Variants in FAM120B observed in about 807,000 individuals in gnomAD.
FAM120B encodes the protein family with sequence similarity 120 member B.
FAM120B carries 83 observed loss-of-function variants against 96.3 expected under a neutral mutation model. The observed-to-expected ratio is 0.86, with a 90% confidence interval of 0.72 to 1.03. FAM120B has a LOEUF of 1.03. Among genes scored for constraint, FAM120B ranks in the 50% least tolerant of loss-of-function variants. The pLI, the probability that FAM120B is intolerant of heterozygous loss-of-function variation, is 0.00. For missense variants in FAM120B, 1,027 were observed against 1,121.2 expected, an observed-to-expected ratio of 0.92 and a Z score of 1.20; for synonymous variants, 407 against 402.7, an observed-to-expected ratio of 1.01 and a Z score of -0.13.
chr6:170,388,138 G>A (rs1170373833), intron 6 of FAM120B, 149 bp from the exon 7 acceptor site: 9 of 682,720 alleles, frequency 1.3e-5, no homozygotes, highest in Non-Finnish European at 2.3e-5. Flanking sequence ...AGCTGGTGAA[G>A]CTCAGCTTTG....
At chr6:170,371,632 C>T (rs6904782) in intron 6 of FAM120B, among the ~76,000 whole-genome samples, 1,947 of 152,266 alleles carry the variant, frequency 0.013, 34 homozygotes, top group African/African-American at 0.041. Flanking sequence ...AAAAGAAATT[C>T]TCCAGAAAGA....
chr6:170,376,576 GA>G (rs1158939329), intron 6 of FAM120B, among the ~76,000 whole-genome samples: 4 of 152,150 alleles, frequency 2.6e-5, no homozygotes, highest in Non-Finnish European at 5.9e-5. Context: ...CGGTATGCAA[GA>G]AAAGACCGGT....
At chr6:170,329,698 G>A (rs961695513) in intron 3 of FAM120B, among the ~76,000 whole-genome samples, 1 of 151,998 alleles carries the variant, frequency 6.6e-6, no homozygotes, top group African/African-American at 2.4e-5. Flanking sequence ...AATGCAGGTG[G>A]GGCTTCCTGG....
upstream of FAM120B, among the ~76,000 whole-genome samples, chr6:170,304,457 C>A (rs182938549): frequency 6.6e-6 from 1 of 152,216 alleles, no homozygotes; most frequent in East Asian, 1.9e-4. Flanking sequence ...CCTTTCGATA[C>A]GAGAATGTAT....
At chr6:170,302,175 A>G (rs187748333), upstream of FAM120B, among the ~76,000 whole-genome samples, 1 of 152,224 alleles carries the variant, frequency 6.6e-6, no homozygotes, top group Non-Finnish European at 1.5e-5. Context: ...AGGCCTCAGG[A>G]AACTTACAAT....
At chr6:170,351,688 C>T (rs1787592824) in intron 5 of FAM120B, among the ~76,000 whole-genome samples, 1 of 152,164 alleles carries the variant, frequency 6.6e-6, no homozygotes, top group Non-Finnish European at 1.5e-5. Flanking sequence ...TCCAACCAAA[C>T]TAACTTCATA....
At chr6:170,362,410 G>A (rs180764962) in intron 6 of FAM120B, among the ~76,000 whole-genome samples, 14 of 152,280 alleles carry the variant, frequency 9.2e-5, no homozygotes, top group African/African-American at 3.4e-4. Flanking sequence ...ACCATGTACT[G>A]TCTAGGAATG....
At chr6:170,361,232 ATATACACGTATATATATATATACGTG>A (rs1788415967) in intron 6 of FAM120B, among the ~76,000 whole-genome samples, 2 of 126,292 alleles carry the variant, frequency 1.6e-5, no homozygotes, top group South Asian at 2.6e-4. Flanking sequence ...ATATATATAT[ATATACACGTATATATATATATACGTG>A]TATATATATA....
intron 3 of FAM120B, among the ~76,000 whole-genome samples, chr6:170,327,035 C>T (rs534086332): frequency 6.6e-6 from 1 of 151,766 alleles, no homozygotes; most frequent in South Asian, 2.1e-4. Context: ...TGAGTTACCG[C>T]ACCAGGCCAA....
chr6:170,330,589 C>A, intron 4 of FAM120B, 39 bp downstream of exon 4: 1 of 1,443,152 alleles, frequency 6.9e-7, no homozygotes, highest in Non-Finnish European at 9.7e-7. Context: ...ACAGATCTTT[C>A]CATTCTATGA....
Position 170,317,717 on chromosome 6 carries a change from CAG to C in FAM120B, c.328_329del (p.Arg110GlyfsTer52). 6.2e-7 allele frequency: 1 copy of C among 1,614,160 alleles called. No individual in the cohort carries two copies. The highest frequency in any genetic ancestry group is 8.5e-7 in the Non-Finnish European group (1 of 1,180,014). ...GGGTGAAACGAAGGCTCAAGAACAACAGGGAGATATCCAGGATTTTTCATTAC... is the reference window on the plus strand; with the variant it reads ...GGGTGAAACGAAGGCTCAAGAACAACGGAGATATCCAGGATTTTTCATTAC... Reference protein sequence around the residue: ...EWVKRRLKNNREISRIFHYIK... With the variant: ...EWVKRRLKNNXEISRIFHYIK... On this transcript the variant is annotated frameshift_variant, in exon 2 of 11. Transcript: ENST00000476287. LOFTEE classifies it high-confidence loss of function.
upstream of FAM120B, among the ~76,000 whole-genome samples, chr6:170,304,079 ATAT>A (rs1784200992): frequency 6.6e-6 from 1 of 152,172 alleles, no homozygotes; most frequent in Non-Finnish European, 1.5e-5. Flanking sequence ...TAGGTCCCAA[ATAT>A]TATCCTCTTT....
At chr6:170,345,162 C>G (rs954603752) in intron 4 of FAM120B, among the ~76,000 whole-genome samples, 6 of 152,284 alleles carry the variant, frequency 3.9e-5, no homozygotes, top group African/African-American at 1.4e-4. Flanking sequence ...TTATCACTGT[C>G]CATTGTTGCC....
At chr6:170,399,638 G>T (rs376441329) in intron 9 of FAM120B, among the ~76,000 whole-genome samples, 1 of 143,662 alleles carries the variant, frequency 7.0e-6, no homozygotes, top group Non-Finnish European at 1.5e-5. Flanking sequence ...AGGAGTGAGT[G>T]GGGAAGGTAG....
intron 9 of FAM120B, among the ~76,000 whole-genome samples, 193 bp downstream of exon 9, chr6:170,395,772 T>C (rs1367816327): frequency 6.6e-6 from 1 of 152,270 alleles, no homozygotes; most frequent in African/African-American, 2.4e-5. Flanking sequence ...TGGTTGATGC[T>C]AGCCCTGTCT....
intron 3 of FAM120B, among the ~76,000 whole-genome samples, chr6:170,328,128 A>G (rs1785729266): frequency 6.6e-6 from 1 of 152,246 alleles, no homozygotes; most frequent in Admixed American, 6.5e-5. Context: ...TGACTCTTGT[A>G]ATTAACACCT....
chr6:170,307,126 T>C (rs146202065), intron 1 of FAM120B, among the ~76,000 whole-genome samples: 3,297 of 152,326 alleles, frequency 0.022, 168 homozygotes, highest in Admixed American at 0.12. Context: ...ACCGTCGCCT[T>C]GCCTGCCCCA....
intron 4 of FAM120B, among the ~76,000 whole-genome samples, chr6:170,343,765 T>C (rs913658045): frequency 1.3e-5 from 2 of 152,080 alleles, no homozygotes; most frequent in South Asian, 2.1e-4. Flanking sequence ...ATTTCTGAGT[T>C]CCCAGATGAT....
intron 4 of FAM120B, among the ~76,000 whole-genome samples, chr6:170,345,091 G>A (rs556111204): frequency 3.3e-5 from 5 of 152,322 alleles, no homozygotes; most frequent in African/African-American, 1.2e-4. Context: ...AGCACCTCCT[G>A]TGGTGCCTGG....
Sources: allele counts gnomAD v4.1 joint callset (sites outside exome capture counted in the v4.1 genomes callset), GRCh38; gene constraint gnomAD v4.1.1; transcripts MANE v1.5; gene names NCBI Gene and HGNC (gene_info 2026-07-23, HGNC 2026-07-21).